The following TRIM59 variants were observed in gnomAD, a reference collection of about 807,000 sequenced individuals.
TRIM59 encodes tripartite motif-containing protein 59.
Under a neutral mutation model 32.2 loss-of-function variants are expected in TRIM59, and 14 were observed. The observed-to-expected ratio is 0.43, with a 90% confidence interval of 0.29 to 0.68. The LOEUF (loss-of-function observed/expected upper bound fraction) is 0.68. Ranked by LOEUF, TRIM59 falls within the 30% of genes least tolerant of loss-of-function variation. The pLI is 0.15. For missense variants in TRIM59, 471 were observed against 463.3 expected, an observed-to-expected ratio of 1.02 and a Z score of -0.15; for synonymous variants, 163 against 155.1, an observed-to-expected ratio of 1.05 and a Z score of -0.38.
At position 160,448,736 on chromosome 3, in the gene TRIM59, T is replaced by C; in HGVS notation, c.-14A>G. The C allele has an allele frequency of 3.9e-6, 5 of 1,283,370 alleles. No homozygotes were observed. The highest frequency in any genetic ancestry group is 5.1e-6 in the Non-Finnish European group (5 of 985,316). 79.5% of individuals were successfully genotyped at this position (1,283,370 alleles called of 1,614,324 possible). A position where few individuals can be genotyped will look rare whatever the true frequency, so the allele number is the denominator to read the frequency against. On this transcript the variant is annotated 5_prime_UTR_variant, in exon 2 of 3. Transcript: ENST00000309784. ...TCCCAGATTACCTACTTTGTTGATC[T>C]CGTGGTTTGGGGGCTGAATACACTC...
chr3:160,436,691 G>A lies in TRIM59; in HGVS notation c.*1281C>T, dbSNP rs138419611. ...CAGATGCCTGTAGTCCCAGCTACTC[G>A]GGAGGCTGAGGCAGGAGAATGGTGT... On this transcript the variant is annotated 3_prime_UTR_variant, in exon 3 of 3. Transcript: ENST00000309784. 1.5e-3 allele frequency: 814 copies of A among 540,792 alleles called. 8 individuals carry two copies. The African/African-American group carries it at 0.016, about 11-fold the overall frequency. 33.5% of individuals were successfully genotyped at this position (540,792 alleles called of 1,614,324 possible).
chr3:160,436,155 T>A lies in TRIM59; in HGVS notation c.*1817A>T, dbSNP rs1718932151. 1 of 1,031,472 alleles carries A rather than the reference T, an allele frequency of 9.7e-7. No homozygotes were observed. The highest frequency in any genetic ancestry group is 1.7e-5 in the African/African-American group (1 of 58,156). 63.9% of individuals were successfully genotyped at this position (1,031,472 alleles called of 1,614,324 possible). On this transcript the variant is annotated 3_prime_UTR_variant, in exon 3 of 3. Transcript: ENST00000309784. ...CTAGGTATAAGTCTGATTCTAATAA[T>A]AAATTGATATAATACAGTCATCTTA...
At chr3:160,447,749 C>T (rs554331123) in intron 2 of TRIM59, 1 of 152,340 alleles carries the variant, frequency 6.6e-6, no homozygotes, top group Non-Finnish European at 1.5e-5. Context: ...AATTCGATGA[C>T]TTGTCCCAAG....
At chr3:160,447,761 C>CA (rs1262478824) in intron 2 of TRIM59, 1 of 152,214 alleles carries the variant, frequency 6.6e-6, no homozygotes, top group Non-Finnish European at 1.5e-5. Context: ...TGTCCCAAGA[C>CA]TTCTAGTGAG....
At chr3:160,449,119 C>A (rs1719684038) in intron 1 of TRIM59, among the ~76,000 whole-genome samples, 1 of 152,204 alleles carries the variant, frequency 6.6e-6, no homozygotes, top group Non-Finnish European at 1.5e-5. Context: ...AAATTAACTG[C>A]AAGACAAAAG....
At position 160,435,792 on chromosome 3, in the gene TRIM59, C is replaced by T. The variant is rs1173024041; in HGVS notation, c.*2180G>A. On this transcript the variant is annotated 3_prime_UTR_variant, in exon 3 of 3. Coordinates refer to ENST00000309784, the MANE Select transcript of TRIM59 (RefSeq NM_173084.3). ...AAACCCTTACCAACATTAATCTTGG[C>T]CTACTTTAAAGTTGAGTGATAGCAT... The T allele has an allele frequency of 2.2e-6, 1 of 465,086 alleles. No individual in the cohort carries two copies. Among genetic ancestry groups the T allele is most frequent in the Non-Finnish European group, 4.0e-6 (1 of 247,402 alleles). 28.8% of individuals were successfully genotyped at this position (465,086 alleles called of 1,614,324 possible). A position where few individuals can be genotyped will look rare whatever the true frequency, so the allele number is the denominator to read the frequency against.
In TRIM59 at chr3:160,436,736, T is replaced by C. The variant is rs1718977438; in HGVS notation, c.*1236A>G. 1.5e-6 allele frequency: 1 copy of C among 673,878 alleles called. No homozygotes were observed. The highest frequency in any genetic ancestry group is 1.8e-6 in the Non-Finnish European group (1 of 559,292). 41.7% of individuals were successfully genotyped at this position (673,878 alleles called of 1,614,324 possible). On this transcript the variant is annotated 3_prime_UTR_variant, in exon 3 of 3. Coordinates refer to ENST00000309784, the MANE Select transcript of TRIM59 (RefSeq NM_173084.3). ...TGGTGTGAACCCGGGAGGCGGGGCTTGCAATGAGCCGAGATCACGCCACTG... is the reference window on the plus strand; with the variant it reads ...TGGTGTGAACCCGGGAGGCGGGGCTCGCAATGAGCCGAGATCACGCCACTG...
At chr3:160,443,789 G>A (rs1225450924) in intron 2 of TRIM59, among the ~76,000 whole-genome samples, 1 of 151,984 alleles carries the variant, frequency 6.6e-6, no homozygotes, top group South Asian at 2.1e-4. Context: ...ACAGGCGCCC[G>A]CCACCACGCC....
At position 160,436,946 on chromosome 3, in the gene TRIM59, T is replaced by G; in HGVS notation, c.*1026A>C. 1.0e-6 allele frequency: 1 copy of G among 984,986 alleles called. No individual in the cohort carries two copies. Among genetic ancestry groups the G allele is most frequent in the Non-Finnish European group, 1.2e-6 (1 of 829,896 alleles). The allele number at this position is 984,986 out of a possible 1,614,324, so 61.0% of individuals were successfully genotyped here. On this transcript the variant is annotated 3_prime_UTR_variant, in exon 3 of 3. Coordinates refer to ENST00000309784, the MANE Select transcript of TRIM59 (RefSeq NM_173084.3). ...CCTGTTGCAGACCAAGTTACCAACA[T>G]GATTCTGTTCTAATAAGAATGAGTT...
chr3:160,444,304 T>C (rs1299019528), intron 2 of TRIM59, among the ~76,000 whole-genome samples: 1 of 152,214 alleles, frequency 6.6e-6, no homozygotes, highest in Admixed American at 6.5e-5. Flanking sequence ...TGATGGCTTC[T>C]AGAGGGAAAG....
chr3:160,437,246 C>CTGGAG lies in TRIM59; in HGVS notation c.*725_*726insCTCCA. 1.7e-6 allele frequency: 1 copy of CTGGAG among 604,398 alleles called. No homozygotes were observed. The highest frequency in any genetic ancestry group is 2.1e-6 in the Non-Finnish European group (1 of 482,550). The allele number at this position is 604,398 out of a possible 1,614,324, so 37.4% of individuals were successfully genotyped here. A position where few individuals can be genotyped will look rare whatever the true frequency, so the allele number is the denominator to read the frequency against. On this transcript the variant is annotated 3_prime_UTR_variant, in exon 3 of 3. Transcript: ENST00000309784. ...GGGTGTGTGCCTTGTCCCAGCTGCT[C>CTGGAG]CAGAGGCAGAGGCGGGAGGATCGAT...
Position 160,437,320 on chromosome 3 carries a change from C to G in TRIM59, c.*652G>C, listed in dbSNP as rs1719032887. 1.0e-6 allele frequency: 1 copy of G among 956,834 alleles called. No individual in the cohort carries two copies. Among genetic ancestry groups the G allele is most frequent in the African/African-American group, 1.8e-5 (1 of 56,486 alleles). The allele number at this position is 956,834 out of a possible 1,614,324, so 59.3% of individuals were successfully genotyped here. ...AGTGAGTCATGACCAGACAACTACACTCCAGCCTGGGCAACAAGGTGAGAC... is the reference window on the plus strand; with the variant it reads ...AGTGAGTCATGACCAGACAACTACAGTCCAGCCTGGGCAACAAGGTGAGAC... On this transcript the variant is annotated 3_prime_UTR_variant, in exon 3 of 3. Coordinates refer to ENST00000309784, the MANE Select transcript of TRIM59 (RefSeq NM_173084.3).
chr3:160,446,768 G>A (rs567748391), intron 2 of TRIM59, among the ~76,000 whole-genome samples: 1 of 152,312 alleles, frequency 6.6e-6, no homozygotes, highest in South Asian at 2.1e-4. Context: ...CCTCCTGCCA[G>A]TGTCAGCATT....
At position 160,438,911 on chromosome 3, in the gene TRIM59, A is replaced by G; in HGVS notation, c.273T>C (p.His91=). The G allele has an allele frequency of 6.2e-7, 1 of 1,614,082 alleles. No homozygotes were observed. Among genetic ancestry groups the G allele is most frequent in the Non-Finnish European group, 8.5e-7 (1 of 1,179,962 alleles). Residue 91 remains histidine, a synonymous_variant, in exon 3 of 3, where the codon CAT becomes CAC. Coordinates refer to ENST00000309784, the MANE Select transcript of TRIM59 (RefSeq NM_173084.3). ...GTTCAGGGCAGGTGACAATATCTGGATGGTCTTCTTGCTGGTACTTTTCAA... is the reference window on the plus strand; with the variant it reads ...GTTCAGGGCAGGTGACAATATCTGGGTGGTCTTCTTGCTGGTACTTTTCAA... ...AIIEKYQQED[H]PDIVTCPEHY...
chr3:160,437,360 T>G lies in TRIM59; in HGVS notation c.*612A>C, dbSNP rs1719035409. 1 of 984,320 alleles carries G rather than the reference T, an allele frequency of 1.0e-6. No individual in the cohort carries two copies. Among genetic ancestry groups the G allele is most frequent in the East Asian group, 1.1e-4 (1 of 8,808 alleles). The allele number at this position is 984,320 out of a possible 1,614,324, so 61.0% of individuals were successfully genotyped here. ...CAAGGTGAGACCCAGTCTCAAAAAT[T>G]TCTTTTAAAAAGCCACTTTACTCTA... On this transcript the variant is annotated 3_prime_UTR_variant, in exon 3 of 3. Transcript: ENST00000309784.
chr3:160,439,295 AG>A, intron 2 of TRIM59, 109 bp from the exon 3 acceptor site: 1 of 878,614 alleles, frequency 1.1e-6, no homozygotes, highest in South Asian at 3.6e-5. Context: ...GTCATTTAAA[AG>A]AGAACAAGGT....
At position 160,438,976 on chromosome 3, in the gene TRIM59, T is replaced by C; in HGVS notation, c.208A>G (p.Ile70Val). 1.2e-6 allele frequency: 2 copies of C among 1,614,112 alleles called. No homozygotes were observed. The highest frequency in any genetic ancestry group is 1.7e-6 in the Non-Finnish European group (2 of 1,179,986). ...RSITEIAPTG[I>V]ESLPVNFALR... ...GCAAAATTAACAGGTAAAGATTCAA[T>C]GCCAGTTGGAGCAATTTCAGTAATA... The change falls in exon 3 of 3, where the codon ATT (isoleucine) becomes GTT (valine). Residue 70 changes from isoleucine to valine, a missense_variant. Physicochemically the swap from Ile to Val is conservative, Grantham distance 29. Coordinates refer to ENST00000309784, the MANE Select transcript of TRIM59 (RefSeq NM_173084.3).
intron 2 of TRIM59, among the ~76,000 whole-genome samples, chr3:160,446,011 G>A (rs756472099): frequency 2.0e-5 from 3 of 152,066 alleles, no homozygotes; most frequent in Admixed American, 6.5e-5. Flanking sequence ...GTCTCACTAC[G>A]TTGCCCAGGC....
intron 2 of TRIM59, among the ~76,000 whole-genome samples, chr3:160,443,027 G>A (rs957534414): frequency 6.6e-6 from 1 of 152,156 alleles, no homozygotes; most frequent in Non-Finnish European, 1.5e-5. Context: ...GCTGAGGCAG[G>A]AGGATCACTT....
Sources: gnomAD v4.1 joint callset for allele counts (sites outside exome capture counted in the v4.1 genomes callset) on GRCh38, gnomAD v4.1.1 for gene constraint, MANE v1.5 for transcripts, NCBI Gene and HGNC (gene_info 2026-07-23, HGNC 2026-07-21) for gene names.